Variants in PCDH9 observed in about 807,000 individuals in gnomAD.
PCDH9 encodes the protein protocadherin-9.
In PCDH9, 24 loss-of-function variants were observed where a neutral mutation model predicts 70.6. The ratio of observed to expected loss-of-function variants is 0.34; its 90% confidence interval spans 0.25 to 0.48. PCDH9 has a LOEUF of 0.48. Among genes scored for constraint, PCDH9 ranks in the 20% least tolerant of loss-of-function variants. The pLI, the probability that PCDH9 is intolerant of heterozygous loss-of-function variation, is 0.99. For missense variants in PCDH9, 1,281 were observed against 1,503.6 expected (o/e 0.85, Z 2.45); for synonymous variants, 562 against 558.5 (o/e 1.01, Z -0.09).
intron 2 of PCDH9, among the ~76,000 whole-genome samples, chr13:66,932,449 A>G (rs2082826692): frequency 6.6e-6 from 1 of 152,056 alleles, no homozygotes; most frequent in Admixed American, 6.6e-5. Flanking sequence ...TTCAAAATTT[A>G]TATCAGCAAA....
At chr13:67,038,276 A>C (rs1222993810) in intron 2 of PCDH9, among the ~76,000 whole-genome samples, 1 of 152,214 alleles carries the variant, frequency 6.6e-6, no homozygotes, top group Non-Finnish European at 1.5e-5. Context: ...ATAAGAAATC[A>C]TTTTGGAACT....
chr13:66,929,532 C>T (rs765037220), intron 2 of PCDH9, among the ~76,000 whole-genome samples: 1 of 152,084 alleles, frequency 6.6e-6, no homozygotes, highest in African/African-American at 2.4e-5. Context: ...CCATGTAGGT[C>T]AGGGTGGTCT....
intron 3 of PCDH9, among the ~76,000 whole-genome samples, chr13:66,780,349 T>C (rs1158614984): frequency 1.3e-5 from 2 of 152,208 alleles, no homozygotes; most frequent in African/African-American, 4.8e-5. Context: ...AGGATCAGCA[T>C]CTGCTTCTTG....
At chr13:66,339,819 GCTT>G (rs1235033289) in intron 4 of PCDH9, among the ~76,000 whole-genome samples, 1 of 152,030 alleles carries the variant, frequency 6.6e-6, no homozygotes, top group Non-Finnish European at 1.5e-5. Context: ...GCAACCTGTG[GCTT>G]CTTCTAGTTC....
chr13:67,221,050 C>T (rs1369511935), intron 2 of PCDH9: 3 of 151,958 alleles, frequency 2.0e-5, no homozygotes, highest in Admixed American at 6.6e-5. Flanking sequence ...GGGCACTTAG[C>T]CAAAGAGCCA....
At chr13:66,899,557 A>G (rs2082243385) in intron 3 of PCDH9, among the ~76,000 whole-genome samples, 1 of 152,024 alleles carries the variant, frequency 6.6e-6, no homozygotes, top group Non-Finnish European at 1.5e-5. Context: ...TCATACTGAG[A>G]TGCAGTCTTG....
chr13:66,750,082 C>T (rs1307727138), intron 3 of PCDH9, among the ~76,000 whole-genome samples: 2 of 152,076 alleles, frequency 1.3e-5, no homozygotes, highest in African/African-American at 2.4e-5. Flanking sequence ...CTCTCACACA[C>T]ACACGTGCAT....
chr13:66,439,965 T>G lies in PCDH9; in HGVS notation c.3341-134937A>C, dbSNP rs189766573. Among the ~76,000 whole-genome samples the G allele has an allele frequency of 2.6e-3, 400 of 152,300 alleles. 1 individual carries two copies. Among genetic ancestry groups the G allele is most frequent in the Non-Finnish European group, 4.4e-3 (300 of 68,006 alleles). On this transcript the variant is annotated intron_variant, in intron 4 of 4. Coordinates refer to ENST00000377865, the MANE Select transcript of PCDH9 (RefSeq NM_203487.3). Reference sequence around the variant, plus strand: ...TTAATGGCAATCCATACTGCGCCCTTAATTTCTCAAGTGCACATTTGTTGA... The same window carrying G: ...TTAATGGCAATCCATACTGCGCCCTGAATTTCTCAAGTGCACATTTGTTGA...
chr13:66,752,051 C>T (rs1051346065), intron 3 of PCDH9, among the ~76,000 whole-genome samples: 2 of 152,078 alleles, frequency 1.3e-5, no homozygotes, highest in African/African-American at 4.8e-5. Context: ...TGAGCTAACA[C>T]CTGAATGATA....
intron 2 of PCDH9, among the ~76,000 whole-genome samples, chr13:67,076,638 A>G (rs1223155666): frequency 6.6e-6 from 1 of 152,156 alleles, no homozygotes; most frequent in African/African-American, 2.4e-5. Flanking sequence ...AGGAAGGGAA[A>G]TCACATTTTC....
intron 2 of PCDH9, among the ~76,000 whole-genome samples, chr13:67,049,873 T>C (rs1170867159): frequency 6.6e-6 from 1 of 152,226 alleles, no homozygotes; most frequent in East Asian, 1.9e-4. Flanking sequence ...TGCAGCCAAA[T>C]ATTTCTGCAG....
At chr13:66,674,100 G>A (rs2078212485) in intron 3 of PCDH9, among the ~76,000 whole-genome samples, 1 of 151,808 alleles carries the variant, frequency 6.6e-6, no homozygotes, top group African/African-American at 2.4e-5. Flanking sequence ...CATAATTTTT[G>A]AATCTCCTTC....
chr13:66,900,666 A>T (rs2082262262), intron 3 of PCDH9, among the ~76,000 whole-genome samples: 1 of 151,806 alleles, frequency 6.6e-6, no homozygotes, highest in African/African-American at 2.4e-5. Flanking sequence ...CTTGCTGGTC[A>T]CATCAGTCTC....
At chr13:66,635,243 T>C (rs2077622364) in intron 3 of PCDH9, among the ~76,000 whole-genome samples, 1 of 152,154 alleles carries the variant, frequency 6.6e-6, no homozygotes. Context: ...TGGGAAATAT[T>C]TTTATTATTA....
At chr13:66,810,669 G>C (rs2080488391) in intron 3 of PCDH9, among the ~76,000 whole-genome samples, 1 of 151,716 alleles carries the variant, frequency 6.6e-6, no homozygotes, top group Non-Finnish European at 1.5e-5. Context: ...CTCTTCTTAA[G>C]AGAGCTTATA....
At chr13:66,890,091 G>C (rs1056663322) in intron 3 of PCDH9, among the ~76,000 whole-genome samples, 1 of 152,036 alleles carries the variant, frequency 6.6e-6, no homozygotes, top group Non-Finnish European at 1.5e-5. Flanking sequence ...CGGGTATCTG[G>C]CAATATATTA....
chr13:66,751,954 G>A (rs118051186), intron 3 of PCDH9, among the ~76,000 whole-genome samples: 3,592 of 152,276 alleles, frequency 0.024, 63 homozygotes, highest in Non-Finnish European at 0.038. Flanking sequence ...AAACAAAAAT[G>A]TGAACTGAGT....
chr13:66,376,609 A>G (rs1055337185), intron 4 of PCDH9, among the ~76,000 whole-genome samples: 4 of 152,176 alleles, frequency 2.6e-5, no homozygotes, highest in East Asian at 3.9e-4. Context: ...AAGAAAAAAT[A>G]CAAGTATTTT....
intron 4 of PCDH9, among the ~76,000 whole-genome samples, chr13:66,409,483 T>A (rs544377390): frequency 6.6e-6 from 1 of 152,286 alleles, no homozygotes; most frequent in Non-Finnish European, 1.5e-5. Context: ...ACAATTAGCC[T>A]CACCATGAAT....
Sources: allele counts gnomAD v4.1 joint callset (sites outside exome capture counted in the v4.1 genomes callset), GRCh38; gene constraint gnomAD v4.1.1; transcripts MANE v1.5; gene names NCBI Gene and HGNC (gene_info 2026-07-23, HGNC 2026-07-21).